THSD7B: variants seen among roughly 807,000 people sequenced by gnomAD.
THSD7B encodes the protein thrombospondin type 1 domain containing 7B.
THSD7B carries 138 observed loss-of-function variants against 213.6 expected under a neutral mutation model. The observed-to-expected ratio is 0.65, with a 90% confidence interval of 0.56 to 0.74. THSD7B has a LOEUF of 0.74. Among genes scored for constraint, THSD7B ranks in the 30% least tolerant of loss-of-function variants. The probability of loss-of-function intolerance (pLI) is 0.00; values close to 1 mark genes in which losing one functional copy is unlikely to be tolerated. For missense variants in THSD7B, 1,931 were observed against 1,991.5 expected, an observed-to-expected ratio of 0.97 and a Z score of 0.58; for synonymous variants, 742 against 687.0, an observed-to-expected ratio of 1.08 and a Z score of -1.25.
chr2:136,961,281 C>T (rs1020431110), intron 2 of THSD7B, among the ~76,000 whole-genome samples: 7 of 141,214 alleles, frequency 5.0e-5, no homozygotes, highest in South Asian at 4.6e-4. Context: ...AGTGCAGTGG[C>T]GTGATCTCGG....
intron 6 of THSD7B, among the ~76,000 whole-genome samples, chr2:137,163,529 A>C (rs1275820299): frequency 6.6e-6 from 1 of 152,204 alleles, no homozygotes; most frequent in East Asian, 1.9e-4. Flanking sequence ...AATGTGTTCC[A>C]AGCCAAGGAG....
intron 14 of THSD7B, among the ~76,000 whole-genome samples, chr2:137,430,079 C>T (rs1256537029): frequency 6.6e-6 from 1 of 151,738 alleles, no homozygotes; most frequent in Non-Finnish European, 1.5e-5. Flanking sequence ...CCCATCTCCA[C>T]AAAAATTTTA....
intron 2 of THSD7B, among the ~76,000 whole-genome samples, chr2:136,923,015 C>A (rs752824206): frequency 3.3e-5 from 5 of 152,150 alleles, no homozygotes; most frequent in Non-Finnish European, 5.9e-5. Context: ...GTGTACAGTT[C>A]AGTAGTGTTA....
intron 15 of THSD7B, among the ~76,000 whole-genome samples, chr2:137,520,244 A>C (rs1680160355): frequency 6.6e-6 from 1 of 152,144 alleles, no homozygotes; most frequent in South Asian, 2.1e-4. Context: ...TGGATTCATT[A>C]ATTCTTTTTA....
chr2:137,340,975 CT>C (rs1048478627), intron 12 of THSD7B, among the ~76,000 whole-genome samples: 1 of 114,026 alleles, frequency 8.8e-6, no homozygotes, highest in African/African-American at 3.1e-5. Flanking sequence ...CTCTAATTCT[CT>C]TTTTGTTTTT....
At chr2:137,084,614 C>G (rs1687804385) in intron 3 of THSD7B, among the ~76,000 whole-genome samples, 1 of 152,108 alleles carries the variant, frequency 6.6e-6, no homozygotes, top group Non-Finnish European at 1.5e-5. Flanking sequence ...AAGCCAAAGT[C>G]ATAAATCACC....
intron 7 of THSD7B, among the ~76,000 whole-genome samples, chr2:137,174,973 A>G (rs1219065233): frequency 6.6e-6 from 1 of 152,240 alleles, no homozygotes; most frequent in African/African-American, 2.4e-5. Flanking sequence ...TTTAAACATC[A>G]ATTCTCAAAC....
At chr2:137,462,737 G>T (rs551441072) in intron 15 of THSD7B, among the ~76,000 whole-genome samples, 2 of 150,252 alleles carry the variant, frequency 1.3e-5, no homozygotes, top group South Asian at 4.2e-4. Flanking sequence ...GGCTGTTGTG[G>T]TATTGCAGTG....
At chr2:137,416,385 C>T (rs1403095677) in intron 14 of THSD7B, among the ~76,000 whole-genome samples, 2 of 152,234 alleles carry the variant, frequency 1.3e-5, no homozygotes, top group Non-Finnish European at 2.9e-5. Context: ...ACTCTTCATC[C>T]TCTGGGTTAA....
chr2:136,875,320 G>T lies in THSD7B; in HGVS notation c.-35-6824G>T, dbSNP rs552193048. Among the ~76,000 whole-genome samples the T allele has an allele frequency of 2.6e-5, 4 of 152,278 alleles. No individual in the cohort carries two copies. In the East Asian group the frequency reaches 7.7e-4, roughly 29 times the overall value. On this transcript the variant is annotated intron_variant, in intron 1 of 27. Transcript: ENST00000409968. ...ACCTGTAGACCCAGCTGCTCGGGAG[G>T]CTGAGACACGAGAATTGCTTGAACC... is the stretch of plus-strand genomic sequence containing the variant.
chr2:137,674,212 C>A (rs1382021971), intron 27 of THSD7B, among the ~76,000 whole-genome samples: 2 of 152,152 alleles, frequency 1.3e-5, no homozygotes, highest in Non-Finnish European at 2.9e-5. Flanking sequence ...TGCCCAGTGG[C>A]CTTTAGCAAA....
intron 5 of THSD7B, among the ~76,000 whole-genome samples, chr2:137,147,632 G>A (rs1679729776): frequency 6.6e-6 from 1 of 151,884 alleles, no homozygotes; most frequent in Admixed American, 6.6e-5. Flanking sequence ...ATTTCTCCTT[G>A]CTATCATTAT....
intron 1 of THSD7B, among the ~76,000 whole-genome samples, chr2:136,807,347 T>C (rs1232281417): frequency 2.0e-5 from 3 of 152,188 alleles, no homozygotes; most frequent in Non-Finnish European, 4.4e-5. Context: ...GAATATCTTA[T>C]ACTTTGGGTT....
chr2:137,551,254 C>A (rs1261490187), intron 15 of THSD7B, among the ~76,000 whole-genome samples: 1 of 152,072 alleles, frequency 6.6e-6, no homozygotes, highest in African/African-American at 2.4e-5. Flanking sequence ...TATGTAAAGG[C>A]AGCAGTTCCC....
intron 2 of THSD7B, among the ~76,000 whole-genome samples, chr2:137,031,936 G>T (rs1169221256): frequency 6.6e-6 from 1 of 151,358 alleles, no homozygotes; most frequent in Non-Finnish European, 1.5e-5. Flanking sequence ...CAACCTCCTG[G>T]GTTTAAACAA....
intron 13 of THSD7B, among the ~76,000 whole-genome samples, chr2:137,408,564 A>G (rs1686580728): frequency 6.6e-6 from 1 of 152,226 alleles, no homozygotes; most frequent in African/African-American, 2.4e-5. Flanking sequence ...AGCGGTATTC[A>G]AACAAATCCT....
intron 9 of THSD7B, among the ~76,000 whole-genome samples, chr2:137,241,298 C>A (rs1189940565): frequency 1.3e-5 from 2 of 152,168 alleles, no homozygotes; most frequent in Admixed American, 1.3e-4. Context: ...GCGTAAAGTG[C>A]TTTCCTGTTT....
chr2:137,076,636 G>C (rs554301079), intron 3 of THSD7B, among the ~76,000 whole-genome samples: 1 of 152,136 alleles, frequency 6.6e-6, no homozygotes, highest in South Asian at 2.1e-4. Flanking sequence ...AGATGAACCC[G>C]GTACCTCAGT....
intron 5 of THSD7B, among the ~76,000 whole-genome samples, chr2:137,130,095 A>G (rs898394956): frequency 2.6e-5 from 4 of 152,138 alleles, no homozygotes; most frequent in African/African-American, 4.8e-5. Flanking sequence ...AGGGGATTGC[A>G]TTGGGAAGCA....
Sources: gnomAD v4.1 joint callset for allele counts (sites outside exome capture counted in the v4.1 genomes callset) on GRCh38, gnomAD v4.1.1 for gene constraint, MANE v1.5 for transcripts, NCBI Gene and HGNC (gene_info 2026-07-23, HGNC 2026-07-21) for gene names.